DST: variants seen among roughly 807,000 people sequenced by gnomAD.
The protein encoded by DST is dystonin.
DST carries 253 observed loss-of-function variants against 875.2 expected under a neutral mutation model. The ratio of observed to expected loss-of-function variants is 0.29; its 90% CI spans 0.26 to 0.32. The LOEUF (loss-of-function observed/expected upper bound fraction) is 0.32, where lower values mean the gene tolerates loss of function less well. DST is among the 10% of genes least tolerant of loss of function. The pLI, the probability that DST is intolerant of heterozygous loss-of-function variation, is 1.00. For synonymous variants in DST, 3,124 were observed against 3,197.1 expected (o/e 0.98, Z 0.77); for missense variants, 8,287 against 9,111.6 (o/e 0.91, Z 3.68).
At chr6:56,578,686 A>G (rs2097912961) in intron 50 of DST, 128 bp downstream of exon 50, 4 of 938,730 alleles carry the variant, frequency 4.3e-6, no homozygotes, top group Admixed American at 5.5e-5. Context: ...ATGCAGGAAC[A>G]CCATTTCACA....
At chr6:56,675,766 C>T (rs1275854573) in intron 9 of DST, among the ~76,000 whole-genome samples, 1 of 152,020 alleles carries the variant, frequency 6.6e-6, no homozygotes, top group Non-Finnish European at 1.5e-5. Flanking sequence ...GTAGGGGAAC[C>T]ACTTGAACCC....
At position 56,780,575 on chromosome 6, in the gene DST, C is replaced by T. The variant is rs1170558310; in HGVS notation, c.626-45286G>A. The stretch of plus-strand genomic sequence containing the variant: ...TTTGCCCACTTTTTGATGGGGTTGT[C>T]TGTTTTTTTCCTGTAAATTTGTTGG... On this transcript the variant is annotated intron_variant, in intron 4 of 103. Coordinates refer to ENST00000680361, the MANE Select transcript of DST (RefSeq NM_001374736.1). Among the ~76,000 whole-genome samples the T allele has an allele frequency of 2.6e-5, 4 of 151,998 alleles. No homozygotes were observed. The South Asian group carries it at 8.3e-4, about 32-fold the overall frequency.
At chr6:56,741,232 T>C (rs1323532122) in intron 4 of DST, among the ~76,000 whole-genome samples, 1 of 152,204 alleles carries the variant, frequency 6.6e-6, no homozygotes, top group Non-Finnish European at 1.5e-5. Context: ...GGTTTTGTTG[T>C]TGTTGTTGTG....
Position 56,699,718 on chromosome 6 carries a change from C to T in DST, c.982G>A (p.Asp328Asn). 1 of 1,520,100 alleles carries T rather than the reference C, an allele frequency of 6.6e-7. No homozygotes were observed. The highest frequency in any genetic ancestry group is 2.5e-5 in the East Asian group (1 of 40,254). 94.2% of individuals were successfully genotyped at this position (1,520,100 alleles called of 1,614,324 possible). ...AATTTGGGATTTCCATCTGTTATGT[C>T]ATCATTTCTAATATTCACTAATTTC... ...QVKLVNIRND[D>N]ITDGNPKLTL... The change falls in exon 9 of 104, where the codon GAC (aspartate) becomes AAC (asparagine). Residue 328 changes from aspartate (D) to asparagine (N), a missense_variant. Transcript: ENST00000680361.
At chr6:56,696,408 T>A (rs1197057146) in intron 9 of DST, among the ~76,000 whole-genome samples, 1 of 152,150 alleles carries the variant, frequency 6.6e-6, no homozygotes, top group African/African-American at 2.4e-5. Context: ...GTGATCCACC[T>A]GCCTCGGCCT....
intron 4 of DST, among the ~76,000 whole-genome samples, chr6:56,822,782 T>TA (rs1364713194): frequency 2.5e-4 from 38 of 150,792 alleles, no homozygotes; most frequent in Non-Finnish European, 4.1e-4. Context: ...ACAGCCACTT[T>TA]AAAAAAAAAG....
intron 73 of DST, among the ~76,000 whole-genome samples, chr6:56,510,300 T>G (rs887364349): frequency 2.0e-5 from 3 of 152,176 alleles, no homozygotes; most frequent in Non-Finnish European, 4.4e-5. Context: ...TTTAATGAAC[T>G]ATTATGGCAT....
chr6:56,650,900 T>G, intron 12 of DST, 26 bp downstream of exon 12: 1 of 1,441,542 alleles, frequency 6.9e-7, no homozygotes, highest in South Asian at 1.2e-5. Flanking sequence ...ATCAACAGCT[T>G]CCGGTGTGGA....
intron 4 of DST, among the ~76,000 whole-genome samples, chr6:56,803,006 G>C (rs536651884): frequency 1.1e-3 from 174 of 152,296 alleles, no homozygotes; most frequent in African/African-American, 4.0e-3. Flanking sequence ...TACTGTAGCT[G>C]AGATGAAAAT....
rs755464531 is a variant in DST at position 56,762,154 on chromosome 6, G to C, written c.626-26865C>G. The stretch of plus-strand genomic sequence containing the variant: ...TCCTGTTTCAGCCTCCTGAGTAGCT[G>C]GGATTACAGGTATGCGCCACCACGC... On this transcript the variant is annotated intron_variant, in intron 4 of 103. Coordinates refer to ENST00000680361, the MANE Select transcript of DST (RefSeq NM_001374736.1). Among the ~76,000 whole-genome samples the C allele has an allele frequency of 8.5e-5, 13 of 152,124 alleles. 1 individual carries two copies. Among genetic ancestry groups the C allele is most frequent in the Admixed American group, 5.9e-4 (9 of 15,274 alleles).
chr6:56,867,615 A>T (rs1055764772), intron 3 of DST, among the ~76,000 whole-genome samples: 52 of 152,140 alleles, frequency 3.4e-4, no homozygotes, highest in African/African-American at 1.2e-3. Flanking sequence ...AGGTCAGGAG[A>T]TCAAGACCAT....
chr6:56,824,657 G>A (rs1355698974), intron 4 of DST, among the ~76,000 whole-genome samples: 3 of 144,672 alleles, frequency 2.1e-5, no homozygotes, highest in Admixed American at 6.8e-5. Context: ...GACCGGCCGC[G>A]ACCCCGTCTG....
chr6:56,641,252 T>G (rs927039746), intron 17 of DST, among the ~76,000 whole-genome samples: 3 of 152,130 alleles, frequency 2.0e-5, no homozygotes, highest in Non-Finnish European at 4.4e-5. Flanking sequence ...ATGAACATTT[T>G]CATAATAGGA....
intron 53 of DST, among the ~76,000 whole-genome samples, chr6:56,571,897 A>G (rs556619869): frequency 1.7e-4 from 26 of 152,334 alleles, no homozygotes; most frequent in South Asian, 1.4e-3. Flanking sequence ...AGAAGTATTG[A>G]ATTTTCCTTC....
chr6:56,892,415 C>T (rs1446256175), intron 3 of DST, among the ~76,000 whole-genome samples: 3 of 151,650 alleles, frequency 2.0e-5, no homozygotes, highest in Admixed American at 6.6e-5. Context: ...CCTGGAACTC[C>T]GGGCTCAAGT....
rs548848597 is a variant in DST at position 56,553,127 on chromosome 6, A to G, written c.15665T>C (p.Val5222Ala). The G allele has an allele frequency of 6.2e-7, 1 of 1,613,988 alleles. No homozygotes were observed. Among genetic ancestry groups the G allele is most frequent in the African/African-American group, 1.3e-5 (1 of 75,048 alleles). Residue 5222 changes from valine (V) to alanine (A), a missense_variant, in exon 61 of 104, where the codon GTA becomes GCA. By Grantham distance (64) the Val-to-Ala change is moderately conservative (BLOSUM62 0). Transcript: ENST00000680361. ...ATTGGCTGTGTTGTTCAGTAATTCT[A>G]CCATACCAAAGTGTTGGTCCATTTC... is the stretch of plus-strand genomic sequence containing the variant. ...QKEMDQHFGM[V>A]ELLNNTANSL...
At position 56,609,302 on chromosome 6, in the gene DST, C is replaced by T; in HGVS notation, c.5326G>A (p.Glu1776Lys). 5 of 1,612,842 alleles carry T rather than the reference C, an allele frequency of 3.1e-6. No homozygotes were observed. Among genetic ancestry groups the T allele is most frequent in the Non-Finnish European group, 4.2e-6 (5 of 1,179,414 alleles). ...IAGTIDQTTG[E>K]VLSVFQAVLR... Reference sequence around the variant, plus strand: ...ACTGCTTGAAAGACTGAAAGGACTTCTCCAGTTGTCTGATCAATGGTGCCT... The same window carrying T: ...ACTGCTTGAAAGACTGAAAGGACTTTTCCAGTTGTCTGATCAATGGTGCCT... The change falls in exon 40 of 104, where the codon GAA becomes AAA. Residue 1776 changes from glutamate to lysine, a missense_variant. Transcript: ENST00000680361.
chr6:56,586,431 T>C (rs977919063), intron 49 of DST, among the ~76,000 whole-genome samples: 15 of 151,618 alleles, frequency 9.9e-5, no homozygotes, highest in Admixed American at 9.2e-4. Context: ...CTGCCTTTTT[T>C]TGTTTTCCAT....
At chr6:56,878,849 G>A (rs1203845360) in intron 3 of DST, among the ~76,000 whole-genome samples, 2 of 152,106 alleles carry the variant, frequency 1.3e-5, no homozygotes, top group Non-Finnish European at 2.9e-5. Flanking sequence ...AAATATTAAC[G>A]TTGAATATGA....
Sources: allele counts gnomAD v4.1 joint callset (sites outside exome capture counted in the v4.1 genomes callset), GRCh38; gene constraint gnomAD v4.1.1; transcripts MANE v1.5; gene names NCBI Gene and HGNC (gene_info 2026-07-23, HGNC 2026-07-21).